The following ATP11B variants were observed in gnomAD, a reference collection of about 807,000 sequenced individuals.
ATP11B encodes the protein phospholipid-transporting ATPase IF.
A neutral mutation model predicts 157.8 loss-of-function variants in ATP11B; 81 were observed. The ratio of observed to expected loss-of-function variants is 0.51; its 90% CI spans 0.43 to 0.62. The LOEUF (loss-of-function observed/expected upper bound fraction) is 0.62, where lower values mean the gene tolerates loss of function less well. Ranked by LOEUF, ATP11B falls within the 20% of genes least tolerant of loss-of-function variation. The pLI, the probability that ATP11B is intolerant of heterozygous loss-of-function variation, is 0.00. For missense variants in ATP11B, 1,165 were observed against 1,402.2 expected (o/e 0.83, Z 2.70); for synonymous variants, 451 against 469.4 (o/e 0.96, Z 0.51).
At chr3:182,829,563 A>G in intron 3 of ATP11B, 109 bp from the exon 4 acceptor site, 1 of 764,430 alleles carries the variant, frequency 1.3e-6, no homozygotes, top group South Asian at 1.8e-5. Context: ...GAAGTTGTGA[A>G]ATCGTGAACT....
At chr3:182,879,674 T>C (rs1482968779) in intron 20 of ATP11B, 25 bp downstream of exon 20, 8 of 1,577,564 alleles carry the variant, frequency 5.1e-6, no homozygotes, top group Non-Finnish European at 5.2e-6. Flanking sequence ...TATAAAAAAG[T>C]CCCATAAAGC....
chr3:182,845,787 A>G (rs906790402), intron 9 of ATP11B, among the ~76,000 whole-genome samples: 14 of 152,202 alleles, frequency 9.2e-5, no homozygotes. Context: ...GATAATTTAT[A>G]TAACACTTCT....
At chr3:182,829,178 A>C (rs755762676) in intron 3 of ATP11B, among the ~76,000 whole-genome samples, 1 of 152,170 alleles carries the variant, frequency 6.6e-6, no homozygotes, top group Non-Finnish European at 1.5e-5. Context: ...CAGCTTGTCC[A>C]TGGAATAGAA....
chr3:182,836,464 C>T lies in ATP11B; in HGVS notation c.546C>T (p.Asn182=), dbSNP rs778364896. ...CTGCTAGTTTGGACGGAGAAACTAA[C>T]CTGAAGGTTTGCTTGCATATGTTTG... ...VTTASLDGET[N]LKTHVAVPET... The change falls in exon 6 of 30, where the codon AAC becomes AAT. Residue 182 remains asparagine, a synonymous_variant. Transcript: ENST00000323116. 2.5e-6 allele frequency: 4 copies of T among 1,613,826 alleles called. No homozygotes were observed. Among genetic ancestry groups the T allele is most frequent in the East Asian group, 4.5e-5 (2 of 44,868 alleles).
intron 28 of ATP11B, among the ~76,000 whole-genome samples, chr3:182,909,012 C>T (rs967974943): frequency 6.6e-6 from 1 of 152,084 alleles, no homozygotes; most frequent in Non-Finnish European, 1.5e-5. Context: ...AATTGTTTGA[C>T]AGTTATTATC....
At chr3:182,900,560 A>G (rs532186266) in intron 28 of ATP11B, among the ~76,000 whole-genome samples, 120 of 152,266 alleles carry the variant, frequency 7.9e-4, no homozygotes, top group Middle Eastern at 6.8e-3. Context: ...TTACTTAAAT[A>G]TATATCAGAA....
chr3:182,886,085 G>T (rs148196408), intron 23 of ATP11B, 75 bp downstream of exon 23: 2 of 992,684 alleles, frequency 2.0e-6, no homozygotes, highest in East Asian at 2.9e-5. Context: ...TTTGATAGAC[G>T]TTTGAAGGGA....
intron 28 of ATP11B, among the ~76,000 whole-genome samples, chr3:182,906,647 C>T (rs1359391884): frequency 6.6e-6 from 1 of 151,966 alleles, no homozygotes; most frequent in Non-Finnish European, 1.5e-5. Context: ...GACTGGGTCT[C>T]GCCGTGTTGC....
chr3:182,808,449 A>G (rs971011846), intron 1 of ATP11B, among the ~76,000 whole-genome samples: 4 of 152,044 alleles, frequency 2.6e-5, no homozygotes, highest in Non-Finnish European at 5.9e-5. Context: ...TTTCCAGCAT[A>G]TATTTGTAGT....
chr3:182,860,825 T>C (rs1560094173), intron 12 of ATP11B, among the ~76,000 whole-genome samples: 2 of 152,156 alleles, frequency 1.3e-5, no homozygotes. Context: ...TTGCCTCTTA[T>C]CCCATTTCTT....
intron 1 of ATP11B, among the ~76,000 whole-genome samples, chr3:182,813,264 CTG>C (rs1716778712): frequency 1.3e-5 from 2 of 152,088 alleles, no homozygotes; most frequent in African/African-American, 4.8e-5. Context: ...TATGTTAATT[CTG>C]TGTTTAATTT....
intron 21 of ATP11B, 88 bp downstream of exon 21, chr3:182,881,069 A>C: frequency 1.0e-6 from 1 of 960,832 alleles, no homozygotes; most frequent in African/African-American, 1.7e-5. Context: ...TTGTAGATTA[A>C]AGTACAGTAT....
chr3:182,870,117 C>T lies in ATP11B; in HGVS notation c.1866+786C>T, dbSNP rs564147614. Among the ~76,000 whole-genome samples, 49 of 152,220 alleles carry T rather than the reference C, an allele frequency of 3.2e-4. No individual in the cohort carries two copies. The South Asian group carries it at 8.3e-3, about 26-fold the overall frequency. On this transcript the variant is annotated intron_variant, in intron 17 of 29. Transcript: ENST00000323116. ...GAGGAAGGGGAAAAAGGAGAGTCCT[C>T]GTGGGAGCAATGAGATATTGTGGAT... is the stretch of plus-strand genomic sequence containing the variant.
In ATP11B at chr3:182,920,234, A is replaced by AT. The variant is rs1337391943; in HGVS notation, c.*2133dup. 3.3e-5 allele frequency: 5 copies of AT among 152,222 alleles called. No individual in the cohort carries two copies. The highest frequency in any genetic ancestry group is 7.3e-5 in the Non-Finnish European group (5 of 68,040). The allele number at this position is 152,222 out of a possible 1,614,324, so 9.4% of individuals were successfully genotyped here. On this transcript the variant is annotated 3_prime_UTR_variant, in exon 30 of 30. Coordinates refer to ENST00000323116, the MANE Select transcript of ATP11B (RefSeq NM_014616.3). ...ATTGATGTAATTTTCTGTACTCACC[A>AT]TTTGAAGTTAGTTAAGGAGAACTTT...
rs1288900401 is a variant in ATP11B, at chr3:182,866,143, CAACT to C, written c.1444-124_1444-121del. 70 of 683,414 alleles carry C rather than the reference CAACT, an allele frequency of 1.0e-4. No individual in the cohort carries two copies. In the South Asian group the frequency reaches 1.3e-3, roughly 13 times the overall value. The allele number at this position is 683,414 out of a possible 1,614,324, so 42.3% of individuals were successfully genotyped here. On this transcript the variant is annotated intron_variant, in intron 13 of 29. Coordinates refer to ENST00000323116, the MANE Select transcript of ATP11B (RefSeq NM_014616.3). ...TTTACTTTTTGAAGGCAGAAACAACCAACTGTTATTCAGGCAATCAAGGTTGTAG... is the reference window on the plus strand; with the variant it reads ...TTTACTTTTTGAAGGCAGAAACAACCGTTATTCAGGCAATCAAGGTTGTAG...
intron 10 of ATP11B, among the ~76,000 whole-genome samples, chr3:182,850,636 G>A (rs1719903645): frequency 6.6e-6 from 1 of 152,088 alleles, no homozygotes. Context: ...GTGGTTGGTG[G>A]GCATGTAAGT....
rs13066289 is a variant in ATP11B at position 182,883,370 on chromosome 3, A to C, written c.2510-1383A>C. ...TCTCCTGGGTTCAAGCGATTCTCCT[A>C]CCTCAGCCTCCCAAGTAGCTGGGAT... is the stretch of plus-strand genomic sequence containing the variant. On this transcript the variant is annotated intron_variant, in intron 21 of 29. Transcript: ENST00000323116. 7.4e-3 allele frequency among the ~76,000 whole-genome samples: 1,120 copies of C among 151,406 alleles called. 10 individuals are homozygous for C. Among genetic ancestry groups the C allele is most frequent in the South Asian group, 0.033 (156 of 4,782 alleles).
At chr3:182,914,677 G>C in intron 29 of ATP11B, 1 of 985,222 alleles carries the variant, frequency 1.0e-6, no homozygotes, top group Non-Finnish European at 1.2e-6. Flanking sequence ...TCTTGAATGA[G>C]ATTTATCACC....
At chr3:182,864,393 A>G (rs2108540181) in intron 12 of ATP11B, among the ~76,000 whole-genome samples, 1 of 152,210 alleles carries the variant, frequency 6.6e-6, no homozygotes, top group East Asian at 1.9e-4. Context: ...TGAGTTTTTT[A>G]TAGATACCCT....
Sources: gnomAD v4.1 joint callset for allele counts (sites outside exome capture counted in the v4.1 genomes callset) on GRCh38, gnomAD v4.1.1 for gene constraint, MANE v1.5 for transcripts, NCBI Gene and HGNC (gene_info 2026-07-23, HGNC 2026-07-21) for gene names.